Variants in DAB1 observed in about 807,000 individuals in gnomAD.
DAB1 encodes the protein disabled homolog 1.
DAB1 carries 15 observed loss-of-function variants against 64.6 expected under a neutral mutation model. The ratio of observed to expected loss-of-function variants is 0.23; its 90% CI spans 0.16 to 0.36. DAB1 has a LOEUF of 0.36. Ranked by LOEUF, DAB1 falls within the 10% of genes least tolerant of loss-of-function variation. The probability of loss-of-function intolerance (pLI) is 1.00; values close to 1 mark genes in which losing one functional copy is unlikely to be tolerated. For synonymous variants in DAB1, 235 were observed against 251.9 expected (o/e 0.93, Z 0.64); for missense variants, 596 against 706.7 (o/e 0.84, Z 1.78).
At chr1:57,707,112 C>T (rs953132873) in intron 6 of DAB1, among the ~76,000 whole-genome samples, 9 of 151,850 alleles carry the variant, frequency 5.9e-5, no homozygotes, top group Non-Finnish European at 8.8e-5. Context: ...CCCCAAAAAA[C>T]AGATATATTC....
chr1:57,816,326 GGTGCACCTCAACACCT>G (rs1651853284), intron 6 of DAB1, among the ~76,000 whole-genome samples: 1 of 152,192 alleles, frequency 6.6e-6, no homozygotes, highest in South Asian at 2.1e-4. Flanking sequence ...TGCTCTTGCA[GGTGCACCTCAACACCT>G]TCCTCTAGTT....
chr1:57,456,954 C>G (rs923489670), intron 7 of DAB1, among the ~76,000 whole-genome samples: 1 of 151,990 alleles, frequency 6.6e-6, no homozygotes, highest in African/African-American at 2.4e-5. Flanking sequence ...AAACCCTCTC[C>G]AAATCATAAC....
intron 5 of DAB1, among the ~76,000 whole-genome samples, chr1:58,004,640 C>G: frequency 6.6e-6 from 1 of 152,166 alleles, no homozygotes; most frequent in Non-Finnish European, 1.5e-5. Flanking sequence ...ATAGAATGTC[C>G]TTGGTAGAGT....
At chr1:57,226,339 T>C (rs995935684) in intron 2 of DAB1, among the ~76,000 whole-genome samples, 2 of 152,160 alleles carry the variant, frequency 1.3e-5, no homozygotes, top group Admixed American at 6.5e-5. Context: ...ATCCTCCCAA[T>C]TTTCTCTTCC....
intron 4 of DAB1, among the ~76,000 whole-genome samples, chr1:58,229,358 C>A (rs987496640): frequency 1.3e-5 from 2 of 152,166 alleles, no homozygotes; most frequent in Non-Finnish European, 2.9e-5. Flanking sequence ...AAGGCAAATA[C>A]ACTTAGAAGC....
chr1:57,376,038 A>G (rs10047179), intron 1 of DAB1, among the ~76,000 whole-genome samples: 81,462 of 151,978 alleles, frequency 0.54, 22,758 homozygotes, highest in African/African-American at 0.63. Context: ...AACAGATGCT[A>G]GGATGTGCTG....
chr1:57,689,623 T>A (rs1253949140), intron 6 of DAB1, among the ~76,000 whole-genome samples: 7 of 152,178 alleles, frequency 4.6e-5, no homozygotes, highest in Admixed American at 3.9e-4. Context: ...TAATTTTTTT[T>A]AAAGTTTTAT....
At chr1:57,873,227 G>A (rs1475352639) in intron 1 of DAB1, among the ~76,000 whole-genome samples, 2 of 152,064 alleles carry the variant, frequency 1.3e-5, no homozygotes, top group East Asian at 1.9e-4. Flanking sequence ...GACAAACAAA[G>A]ATATATAAAT....
intron 6 of DAB1, among the ~76,000 whole-genome samples, chr1:57,759,709 C>A (rs1219655406): frequency 6.6e-6 from 1 of 152,112 alleles, no homozygotes; most frequent in African/African-American, 2.4e-5. Context: ...TCCACCTACT[C>A]TTTGGGGAAT....
In DAB1 at chr1:58,400,156, C is replaced by T. The variant is rs533965240; in HGVS notation, n.258-56753G>A. ...CAGGGCTTTCTCTGGTCCCTAGTCTCTGCCTTTCTCTGCATCTCGTTTCTC... is the reference window on the plus strand; with the variant it reads ...CAGGGCTTTCTCTGGTCCCTAGTCTTTGCCTTTCTCTGCATCTCGTTTCTC... On this transcript the variant is annotated intron_variant and non_coding_transcript_variant, in intron 3 of 20. Coordinates refer to the DAB1 transcript ENST00000485760. Among the ~76,000 whole-genome samples, 7 of 151,848 alleles carry T rather than the reference C, an allele frequency of 4.6e-5. No individual in the cohort carries two copies. In the East Asian group the frequency reaches 1.4e-3, roughly 29 times the overall value.
chr1:57,088,948 C>G (rs192564089), intron 4 of DAB1, among the ~76,000 whole-genome samples: 1 of 152,174 alleles, frequency 6.6e-6, no homozygotes, highest in African/African-American at 2.4e-5. Context: ...GCTAGAGGAC[C>G]GGAACGGTGA....
At chr1:57,129,200 C>G (rs1275159596) in intron 4 of DAB1, among the ~76,000 whole-genome samples, 1 of 152,118 alleles carries the variant, frequency 6.6e-6, no homozygotes, top group East Asian at 1.9e-4. Context: ...TCTCACTTTC[C>G]AGGGCATTGT....
chr1:58,152,906 C>CA (rs1310498971), intron 4 of DAB1, among the ~76,000 whole-genome samples: 1 of 152,176 alleles, frequency 6.6e-6, no homozygotes, highest in Non-Finnish European at 1.5e-5. Context: ...GTCCAAATCA[C>CA]ACAGTTATTA....
intron 2 of DAB1, among the ~76,000 whole-genome samples, chr1:57,266,039 A>C (rs1670566594): frequency 6.6e-6 from 1 of 152,164 alleles, no homozygotes; most frequent in Non-Finnish European, 1.5e-5. Context: ...CATGCTAGGC[A>C]CAAGGCATGG....
chr1:57,942,322 A>T (rs1570039124), intron 5 of DAB1, among the ~76,000 whole-genome samples: 3 of 152,354 alleles, frequency 2.0e-5, no homozygotes, highest in Admixed American at 2.0e-4. Context: ...AAAAGAAATA[A>T]GTAAGATCCA....
intron 6 of DAB1, among the ~76,000 whole-genome samples, chr1:57,705,998 A>T (rs923922059): frequency 6.6e-6 from 1 of 150,844 alleles, no homozygotes; most frequent in African/African-American, 2.4e-5. Flanking sequence ...TTTTTCAAAT[A>T]TATAATTTAA....
chr1:57,480,928 C>A (rs992701404), intron 7 of DAB1, among the ~76,000 whole-genome samples: 1 of 152,130 alleles, frequency 6.6e-6, no homozygotes, highest in South Asian at 2.1e-4. Context: ...TCTTTTTCTT[C>A]GTCAAGGGGA....
chr1:58,491,505 G>A (rs989314195), intron 3 of DAB1, among the ~76,000 whole-genome samples: 17 of 152,114 alleles, frequency 1.1e-4, no homozygotes, highest in Non-Finnish European at 2.1e-4. Flanking sequence ...TCAGTGTGCT[G>A]TATTCAGGAA....
At chr1:57,182,468 G>A (rs1349024497) in intron 2 of DAB1, among the ~76,000 whole-genome samples, 2 of 152,182 alleles carry the variant, frequency 1.3e-5, no homozygotes, top group Non-Finnish European at 2.9e-5. Context: ...AACTGCCTGT[G>A]CACTCTACAT....
Sources: gnomAD v4.1 joint callset for allele counts (sites outside exome capture counted in the v4.1 genomes callset) on GRCh38, gnomAD v4.1.1 for gene constraint, MANE v1.5 for transcripts, NCBI Gene and HGNC (gene_info 2026-07-23, HGNC 2026-07-21) for gene names.